CATSPERB: variants seen among roughly 807,000 people sequenced by gnomAD.
CATSPERB encodes catsper channel auxiliary subunit beta.
CATSPERB carries 93 observed loss-of-function variants against 128.3 expected under a neutral mutation model. The observed-to-expected ratio is 0.72, with a 90% CI of 0.61 to 0.86. The LOEUF (loss-of-function observed/expected upper bound fraction) is 0.86. Ranked by LOEUF, CATSPERB falls within the 40% of genes least tolerant of loss-of-function variation. The pLI is 0.00. For synonymous variants in CATSPERB, 381 were observed against 448.8 expected (o/e 0.85, Z 1.91); for missense variants, 1,153 against 1,329.5 (o/e 0.87, Z 2.06).
At chr14:91,605,991 C>T (rs1229025596) in intron 22 of CATSPERB, among the ~76,000 whole-genome samples, 2 of 152,094 alleles carry the variant, frequency 1.3e-5, no homozygotes, top group African/African-American at 2.4e-5. Flanking sequence ...GCCTGGCCAA[C>T]ATGGTGAAAC....
chr14:91,582,866 C>G (rs1458453361), intron 26 of CATSPERB, among the ~76,000 whole-genome samples: 1 of 152,190 alleles, frequency 6.6e-6, no homozygotes, highest in Non-Finnish European at 1.5e-5. Context: ...CCTCATTATA[C>G]TTGGATGCAG....
chr14:91,726,661 T>G (rs1249571468), intron 2 of CATSPERB, among the ~76,000 whole-genome samples: 1 of 151,978 alleles, frequency 6.6e-6, no homozygotes, highest in African/African-American at 2.4e-5. Context: ...AATGAAGAAG[T>G]TTTTGCCTTT....
At chr14:91,631,860 A>G (rs1212366255) in intron 17 of CATSPERB, among the ~76,000 whole-genome samples, 1 of 152,134 alleles carries the variant, frequency 6.6e-6, no homozygotes, top group African/African-American at 2.4e-5. Context: ...GGAATGGGAA[A>G]GAGATAAAGT....
chr14:91,603,519 C>T, intron 22 of CATSPERB: 1 of 914,514 alleles, frequency 1.1e-6, no homozygotes, highest in Non-Finnish European at 1.8e-6. Context: ...AAATGCCGGC[C>T]AGCAAGGAAG....
chr14:91,597,715 G>C (rs1445819984), intron 22 of CATSPERB, among the ~76,000 whole-genome samples: 1 of 152,106 alleles, frequency 6.6e-6, no homozygotes, highest in African/African-American at 2.4e-5. Context: ...TTCTTGCCCT[G>C]TGTCTCAGGA....
chr14:91,690,174 G>A (rs1350607431), intron 10 of CATSPERB, among the ~76,000 whole-genome samples: 1 of 152,054 alleles, frequency 6.6e-6, no homozygotes, highest in Non-Finnish European at 1.5e-5. Context: ...TGTATTTTCT[G>A]TAGAGACAGC....
chr14:91,652,405 T>G (rs1249348698), intron 15 of CATSPERB, among the ~76,000 whole-genome samples: 1 of 151,530 alleles, frequency 6.6e-6, no homozygotes, highest in Non-Finnish European at 1.5e-5. Flanking sequence ...ATGCCTGTAA[T>G]CCCAACATTT....
In CATSPERB at chr14:91,693,182, A is replaced by C; in HGVS notation, c.775T>G (p.Ser259Ala). 1 of 1,613,988 alleles carries C rather than the reference A, an allele frequency of 6.2e-7. No individual in the cohort carries two copies. Among genetic ancestry groups the C allele is most frequent in the Non-Finnish European group, 8.5e-7 (1 of 1,179,920 alleles). ...TCTTCACTTACAAAAAGGCCCAAAG[A>C]GGTGAGGATAACTAAAAAATGATTC... The part of the protein sequence containing the change: ...LTNHFLVILT[S>A]LGLFVSEDLR... Residue 259 changes from serine to alanine, a missense_variant, in exon 9 of 27, where the codon TCT becomes GCT. Coordinates refer to ENST00000256343, the MANE Select transcript of CATSPERB (RefSeq NM_024764.4).
At chr14:91,600,577 A>G (rs1424946820) in intron 22 of CATSPERB, among the ~76,000 whole-genome samples, 4 of 152,256 alleles carry the variant, frequency 2.6e-5, no homozygotes, top group Non-Finnish European at 4.4e-5. Flanking sequence ...CACGATAGCA[A>G]TTTTAAAGAC....
rs1435501574 is a variant in CATSPERB at position 91,645,794 on chromosome 14, C to T, written c.1433-6544G>A. ...AAGCAAGCCTGGGCAATGGTGGGCG[C>T]CCCTCCCCCAGCCTCGCTGCTGCCT... On this transcript the variant is annotated intron_variant, in intron 15 of 26. Transcript: ENST00000256343. 6.9e-3 allele frequency among the ~76,000 whole-genome samples: 1,028 copies of T among 148,460 alleles called. 70 individuals carry two copies. In the East Asian group the frequency reaches 0.17, roughly 24 times the overall value.
intron 17 of CATSPERB, among the ~76,000 whole-genome samples, chr14:91,632,816 A>AAT (rs1894302107): frequency 6.7e-6 from 1 of 150,046 alleles, no homozygotes; most frequent in East Asian, 2.0e-4. Flanking sequence ...AGTCACTTAA[A>AAT]ACACACACAC....
intron 20 of CATSPERB, among the ~76,000 whole-genome samples, chr14:91,611,381 G>A (rs1174557993): frequency 6.6e-6 from 1 of 152,150 alleles, no homozygotes; most frequent in Non-Finnish European, 1.5e-5. Context: ...AGGCTGAGGT[G>A]GGTGGATCAC....
chr14:91,680,801 A>G (rs1480680786), intron 11 of CATSPERB, among the ~76,000 whole-genome samples: 1 of 152,158 alleles, frequency 6.6e-6, no homozygotes, highest in African/African-American at 2.4e-5. Flanking sequence ...TGAGTCCCCT[A>G]CCAACTGAAC....
intron 2 of CATSPERB, among the ~76,000 whole-genome samples, chr14:91,728,761 T>C (rs1249477332): frequency 1.3e-5 from 2 of 152,172 alleles, no homozygotes; most frequent in Non-Finnish European, 2.9e-5. Flanking sequence ...AATCATGATA[T>C]AAAGGGAAAC....
rs568961872 is a variant in CATSPERB, at chr14:91,693,616, G to A, written c.617-137C>T. ...CTTCCCAAAGCATTGGAAAGATGAA[G>A]TAACTTCAAGTTACACCACATAATA... On this transcript the variant is annotated intron_variant, in intron 7 of 26. Coordinates refer to ENST00000256343, the MANE Select transcript of CATSPERB (RefSeq NM_024764.4). 2.3e-4 allele frequency: 143 copies of A among 629,308 alleles called. No homozygotes were observed. The African/African-American group carries it at 2.4e-3, about 10-fold the overall frequency. 39.0% of individuals were successfully genotyped at this position (629,308 alleles called of 1,614,324 possible). A position where few individuals can be genotyped will look rare whatever the true frequency, so the allele number is the denominator to read the frequency against.
intron 7 of CATSPERB, among the ~76,000 whole-genome samples, chr14:91,695,075 A>C (rs928389771): frequency 1.3e-5 from 2 of 152,136 alleles, no homozygotes; most frequent in Non-Finnish European, 2.9e-5. Flanking sequence ...GGAAAACTAA[A>C]GACAAACTTT....
intron 14 of CATSPERB, among the ~76,000 whole-genome samples, chr14:91,660,311 A>G (rs550814212): frequency 2.0e-5 from 3 of 152,352 alleles, no homozygotes; most frequent in African/African-American, 7.2e-5. Flanking sequence ...TCATAAAAGA[A>G]TGGAGTGCTG....
chr14:91,683,811 G>A, intron 11 of CATSPERB, 66 bp downstream of exon 11: 1 of 997,058 alleles, frequency 1.0e-6, no homozygotes, highest in Non-Finnish European at 1.5e-6. Context: ...CAAAGGCTGA[G>A]CTTGCATTCA....
intron 22 of CATSPERB, among the ~76,000 whole-genome samples, chr14:91,598,799 A>AC (rs1893556305): frequency 2.1e-5 from 3 of 143,644 alleles, no homozygotes; most frequent in Non-Finnish European, 3.0e-5. Flanking sequence ...TGGAGCTTGC[A>AC]GTGAGCCGAG....
Sources: gnomAD v4.1 joint callset for allele counts (sites outside exome capture counted in the v4.1 genomes callset) on GRCh38, gnomAD v4.1.1 for gene constraint, MANE v1.5 for transcripts, NCBI Gene and HGNC (gene_info 2026-07-23, HGNC 2026-07-21) for gene names.